The following ABLIM1 variants were observed in gnomAD, a reference collection of about 807,000 sequenced individuals.
ABLIM1 encodes the protein actin binding LIM protein 1.
ABLIM1 carries 40 observed loss-of-function variants against 107.0 expected under a neutral mutation model. The ratio of observed to expected loss-of-function variants is 0.37; its 90% confidence interval spans 0.29 to 0.49. ABLIM1 has a LOEUF of 0.49. Among genes scored for constraint, ABLIM1 ranks in the 20% least tolerant of loss-of-function variants. The probability of loss-of-function intolerance (pLI) is 0.97; values close to 1 mark genes in which losing one functional copy is unlikely to be tolerated. For missense variants in ABLIM1, 857 were observed against 1,008.5 expected, an observed-to-expected ratio of 0.85 and a Z score of 2.04; for synonymous variants, 357 against 357.3, an observed-to-expected ratio of 1.00 and a Z score of 0.01.
intron 2 of ABLIM1, among the ~76,000 whole-genome samples, chr10:114,581,714 G>T (rs751236838): frequency 1.3e-5 from 2 of 152,212 alleles, no homozygotes; most frequent in African/African-American, 2.4e-5. Context: ...CTAGCATGCT[G>T]CCAGGTGGTC....
At chr10:114,788,945 A>T in the ABLIM1 span, among the ~76,000 whole-genome samples, 1 of 152,126 alleles carries the variant, frequency 6.6e-6, no homozygotes. Context: ...TTATTTGCTA[A>T]ATCTGGCAAC....
chr10:114,556,088 C>A (rs1048679778), intron 4 of ABLIM1, among the ~76,000 whole-genome samples: 1 of 151,298 alleles, frequency 6.6e-6, no homozygotes, highest in Non-Finnish European at 1.5e-5. Context: ...AAAAAAAAAA[C>A]AAATTTAAGT....
At chr10:114,750,309 CT>C (rs1303082611) in intron 1 of ABLIM1, among the ~76,000 whole-genome samples, 3 of 152,202 alleles carry the variant, frequency 2.0e-5, no homozygotes, top group Non-Finnish European at 4.4e-5. Context: ...ATACAGTTAA[CT>C]TGACTGAATC....
chr10:114,576,359 T>A (rs371032436), intron 2 of ABLIM1, among the ~76,000 whole-genome samples: 2 of 152,220 alleles, frequency 1.3e-5, no homozygotes, highest in East Asian at 1.9e-4. Flanking sequence ...CCTAAAGCAG[T>A]CCCTGACAGT....
chr10:114,702,819 A>G (rs966789718), intron 1 of ABLIM1, among the ~76,000 whole-genome samples: 2 of 152,116 alleles, frequency 1.3e-5, no homozygotes, highest in African/African-American at 4.8e-5. Flanking sequence ...TAATGACATA[A>G]CACATCATAG....
At chr10:114,655,404 C>T (rs552593942) in intron 1 of ABLIM1, among the ~76,000 whole-genome samples, 7 of 152,310 alleles carry the variant, frequency 4.6e-5, no homozygotes, top group Admixed American at 3.3e-4. Context: ...CCTGGCTTCC[C>T]CTTGCCTTCC....
At chr10:114,440,912 C>A in intron 19 of ABLIM1, 105 bp downstream of exon 19, 1 of 1,134,500 alleles carries the variant, frequency 8.8e-7, no homozygotes. Flanking sequence ...TGATCCTACT[C>A]TAAGGATACA....
chr10:114,509,348 G>A (rs1464743772), intron 6 of ABLIM1, among the ~76,000 whole-genome samples: 4 of 152,082 alleles, frequency 2.6e-5, no homozygotes, highest in Non-Finnish European at 4.4e-5. Context: ...AAGCAGTCAG[G>A]GCTCAGGCAG....
chr10:114,665,111 C>T (rs1424858140), intron 1 of ABLIM1, among the ~76,000 whole-genome samples: 2 of 89,122 alleles, frequency 2.2e-5, no homozygotes, highest in African/African-American at 9.6e-5. Flanking sequence ...AGCGAGACTC[C>T]GTCTCAAAAA....
chr10:114,540,804 C>A (rs2066561744), intron 6 of ABLIM1, among the ~76,000 whole-genome samples: 1 of 152,158 alleles, frequency 6.6e-6, no homozygotes, highest in Non-Finnish European at 1.5e-5. Flanking sequence ...GGTCTGCAGG[C>A]CTCGCTGGGA....
chr10:114,685,460 A>C (rs1333837638), upstream of ABLIM1, among the ~76,000 whole-genome samples: 2 of 152,242 alleles, frequency 1.3e-5, no homozygotes, highest in Admixed American at 1.3e-4. Context: ...AGTTTGATTA[A>C]TTGAAGAGTC....
rs181499445 is a variant in ABLIM1 at position 114,450,841 on chromosome 10, G to A, written c.1594+783C>T. Among the ~76,000 whole-genome samples, 1,237 of 152,180 alleles carry A rather than the reference G, an allele frequency of 8.1e-3. 56 individuals carry two copies. The highest frequency in any genetic ancestry group is 0.075 in the Admixed American group (1,152 of 15,278). On this transcript the variant is annotated intron_variant, in intron 14 of 22. Transcript: ENST00000533213. Reference sequence around the variant, plus strand: ...AATCTGTGTAGAATTTTCTGAAAACGCCTGAAGACCAGCTTTAGATATCTT... The same window carrying A: ...AATCTGTGTAGAATTTTCTGAAAACACCTGAAGACCAGCTTTAGATATCTT...
intron 22 of ABLIM1, 71 bp downstream of exon 22, chr10:114,437,773 T>C (rs557410156): frequency 1.6e-6 from 2 of 1,285,142 alleles, no homozygotes; most frequent in Non-Finnish European, 2.2e-6. Flanking sequence ...AAATAAAACA[T>C]TGCTTAGGGG....
intron 1 of ABLIM1, among the ~76,000 whole-genome samples, chr10:114,617,698 T>G (rs1238249386): frequency 1.3e-5 from 2 of 152,220 alleles, no homozygotes; most frequent in African/African-American, 4.8e-5. Context: ...TAACATTTAT[T>G]GAGCACATGG....
the ABLIM1 span, among the ~76,000 whole-genome samples, chr10:114,799,186 T>G: frequency 6.6e-6 from 1 of 152,222 alleles, no homozygotes; most frequent in Non-Finnish European, 1.5e-5. Context: ...AGGTCAATGT[T>G]ACTCTCCTAT....
chr10:114,519,028 C>T lies in ABLIM1; in HGVS notation c.894+25977G>A, dbSNP rs551666215. ...AATCTTTTGAATATCTACTCAATCC[C>T]CACACACCCTGCCTCCCTGTAATGG... is the stretch of plus-strand genomic sequence containing the variant. On this transcript the variant is annotated intron_variant, in intron 6 of 22. Coordinates refer to ENST00000533213, the MANE Select transcript of ABLIM1 (RefSeq NM_002313.7). 8.5e-5 allele frequency among the ~76,000 whole-genome samples: 13 copies of T among 152,184 alleles called. No homozygotes were observed. In the East Asian group the frequency reaches 2.3e-3, roughly 27 times the overall value.
chr10:114,483,166 C>G (rs7899950), intron 8 of ABLIM1, among the ~76,000 whole-genome samples: 2 of 152,120 alleles, frequency 1.3e-5, no homozygotes, highest in Non-Finnish European at 2.9e-5. Context: ...CCCAGTATCA[C>G]GGGACAACGC....
At chr10:114,690,575 AAAG>A in intron 1 of ABLIM1, 2 of 999,294 alleles carry the variant, frequency 2.0e-6, no homozygotes, top group Non-Finnish European at 3.2e-6. Context: ...CAAACAGCTC[AAAG>A]GAGATGCAGC....
the ABLIM1 span, among the ~76,000 whole-genome samples, chr10:114,792,536 T>C: frequency 2.0e-5 from 3 of 152,178 alleles, no homozygotes; most frequent in Non-Finnish European, 4.4e-5. Context: ...TTCAGACAAC[T>C]TTTTCCTTTG....
Sources: gnomAD v4.1 joint callset for allele counts (sites outside exome capture counted in the v4.1 genomes callset) on GRCh38, gnomAD v4.1.1 for gene constraint, MANE v1.5 for transcripts, NCBI Gene and HGNC (gene_info 2026-07-23, HGNC 2026-07-21) for gene names.